The following ANO7 variants were observed in gnomAD, a reference collection of about 807,000 sequenced individuals.
The protein encoded by ANO7 is anoctamin 7.
Under a neutral mutation model 115.8 loss-of-function variants are expected in ANO7, and 114 were observed. The observed-to-expected ratio is 0.98, with a 90% CI of 0.85 to 1.15. The LOEUF is 1.15. Among genes scored for constraint, ANO7 ranks in the 50% most tolerant of loss-of-function variants. The pLI is 0.00. For missense variants in ANO7, 1,302 were observed against 1,201.2 expected (o/e 1.08, Z -1.24); for synonymous variants, 550 against 498.2 (o/e 1.10, Z -1.38).
chr2:241,210,639 C>T (rs2068701303), intron 15 of ANO7, 69 bp downstream of exon 15: 2 of 1,286,120 alleles, frequency 1.6e-6, no homozygotes, highest in Non-Finnish European at 2.3e-6. Flanking sequence ...CAGAACGTGA[C>T]TTTCTCACTC....
rs1049599210 is a variant in ANO7, at chr2:241,224,503, G to A, written c.*350G>A. ...CAGGCAGGTGGGCTTTGTGGTCCTCGCCGCCCCTGGCCACATCGCCCTCTC... is the reference window on the plus strand; with the variant it reads ...CAGGCAGGTGGGCTTTGTGGTCCTCACCGCCCCTGGCCACATCGCCCTCTC... On this transcript the variant is annotated 3_prime_UTR_variant, in exon 25 of 25. Transcript: ENST00000674324. The A allele has an allele frequency of 4.6e-5, 14 of 306,900 alleles. No homozygotes were observed. The highest frequency in any genetic ancestry group is 1.1e-4 in the African/African-American group (5 of 46,578). The allele number at this position is 306,900 out of a possible 1,614,324, so 19.0% of individuals were successfully genotyped here. A position where few individuals can be genotyped will look rare whatever the true frequency, so the allele number is the denominator to read the frequency against.
chr2:241,210,435 C>T (rs547521273), intron 14 of ANO7, 33 bp from the exon 15 acceptor site: 10 of 1,613,872 alleles, frequency 6.2e-6, no homozygotes, highest in Middle Eastern at 1.6e-4. Context: ...TGAGCGGCCC[C>T]TCATCCGGCT....
intron 21 of ANO7, among the ~76,000 whole-genome samples, chr2:241,219,584 T>TA (rs1304631223): frequency 6.6e-6 from 1 of 152,028 alleles, no homozygotes; most frequent in Non-Finnish European, 1.5e-5. Context: ...TCTTTTTTTT[T>TA]AGAGACTGGG....
At chr2:241,231,816 C>T in the ANO7 span, among the ~76,000 whole-genome samples, 2,077 of 152,294 alleles carry the variant, frequency 0.014, 25 homozygotes, top group Middle Eastern at 0.041. Flanking sequence ...GGTAACAAAA[C>T]ACCTGTAGCC....
At position 241,202,286 on chromosome 2, in the gene ANO7, C is replaced by T. The variant is rs151257402; in HGVS notation, c.705C>T (p.Ala235=). The T allele has an allele frequency of 4.4e-5, 71 of 1,613,050 alleles. No homozygotes were observed. Among genetic ancestry groups the T allele is most frequent in the African/African-American group, 5.3e-5 (4 of 74,928 alleles). The stretch of plus-strand genomic sequence containing the variant: ...TGCTGGCAGAGGGTGTCCTCAGTGC[C>T]GCCTTCCCCCTGCATGACGTGAGCT... ...HQLLAEGVLS[A]AFPLHDGPFK... The change falls in exon 8 of 25, where the codon GCC becomes GCT. Residue 235 remains alanine, a synonymous_variant. Coordinates refer to ENST00000674324, the MANE Select transcript of ANO7 (RefSeq NM_001370694.2).
chr2:241,230,110 C>T (rs754744539), downstream of ANO7: 59 of 1,588,964 alleles, frequency 3.7e-5, no homozygotes, highest in Middle Eastern at 1.7e-4. The surrounding 1 kb of genome is among the most constrained non-coding windows in gnomAD (Gnocchi z 5.0). Context: ...GGCCGGTGGA[C>T]GTGCCAGGGC....
the ANO7 span, among the ~76,000 whole-genome samples, chr2:241,231,630 T>C: frequency 2.0e-5 from 3 of 152,044 alleles, no homozygotes; most frequent in Admixed American, 2.0e-4. Flanking sequence ...GGAGGCATCT[T>C]TGTGCTGGAG....
intron 10 of ANO7, among the ~76,000 whole-genome samples, chr2:241,206,168 A>C: frequency 6.4e-5 from 1 of 15,512 alleles, no homozygotes; most frequent in South Asian, 3.5e-3. Flanking sequence ...CTGGGCAGGA[A>C]TGCTCCCAGC....
chr2:241,196,411 C>T (rs2068330873), intron 4 of ANO7, among the ~76,000 whole-genome samples: 1 of 152,134 alleles, frequency 6.6e-6, no homozygotes, highest in African/African-American at 2.4e-5. Flanking sequence ...TGCTGTGTCC[C>T]CCACTCATTG....
chr2:241,207,110 TCTGACAGGTGGACAGGAGTGCTCCCAGG>T, intron 10 of ANO7, among the ~76,000 whole-genome samples: 1 of 102,040 alleles, frequency 9.8e-6, no homozygotes, highest in South Asian at 3.8e-4. Flanking sequence ...GTGCTCCCAG[TCTGACAGGTGGACAGGAGTGCTCCCAGG>T]CTGACAGGTG....
At chr2:241,230,790 T>C (rs2069654030), downstream of ANO7, 2 of 1,614,232 alleles carry the variant, frequency 1.2e-6, no homozygotes, top group Non-Finnish European at 1.7e-6. The surrounding 1 kb of genome is among the most constrained non-coding windows in gnomAD (Gnocchi z 5.0). Flanking sequence ...GCGAATGGCT[T>C]TGCCGCGGGC....
rs773052325 is a variant in ANO7, at chr2:241,217,782, C to G, written c.2069C>G (p.Ala690Gly). 6.2e-7 allele frequency: 1 copy of G among 1,609,984 alleles called. No homozygotes were observed. The highest frequency in any genetic ancestry group is 2.2e-5 in the East Asian group (1 of 44,810). Reference sequence around the variant, plus strand: ...AACTGGGTGGAGATCCGCTTGGACGCGCGCAAGTTCGTCTGCGAGTACCGG... The same window carrying G: ...AACTGGGTGGAGATCCGCTTGGACGGGCGCAAGTTCGTCTGCGAGTACCGG... ...LNNWVEIRLD[A>G]RKFVCEYRRP... Residue 690 changes from alanine to glycine, a missense_variant, in exon 20 of 25, where the codon GCG (alanine) becomes GGG (glycine). Physicochemically the swap from Ala to Gly is moderately conservative, Grantham distance 60 (BLOSUM62 0). Coordinates refer to ENST00000674324, the MANE Select transcript of ANO7 (RefSeq NM_001370694.2).
intron 4 of ANO7, among the ~76,000 whole-genome samples, chr2:241,197,775 C>G (rs535726075): frequency 1.3e-5 from 2 of 151,870 alleles, no homozygotes; most frequent in East Asian, 3.9e-4. Context: ...CTCAGCCTCC[C>G]GAGTAGCTGG....
At chr2:241,223,518 C>A in intron 22 of ANO7, 144 bp from the exon 23 acceptor site, 2 of 1,339,400 alleles carry the variant, frequency 1.5e-6, no homozygotes, top group Admixed American at 2.2e-5. Flanking sequence ...GTGGCCTCTG[C>A]CCCTTCTGGG....
In ANO7 at chr2:241,212,220, C is replaced by A. The variant is rs2068733439; in HGVS notation, c.1673+15C>A. 1 of 1,591,194 alleles carries A rather than the reference C, an allele frequency of 6.3e-7. No individual in the cohort carries two copies. Among genetic ancestry groups the A allele is most frequent in the South Asian group, 1.1e-5 (1 of 90,694 alleles). ...TTCAAGGGCAGGTTGGTGGGCACCTCTCCCTCTGGCCACAGCTTGTCCCGG... is the reference window on the plus strand; with the variant it reads ...TTCAAGGGCAGGTTGGTGGGCACCTATCCCTCTGGCCACAGCTTGTCCCGG... On this transcript the variant is annotated intron_variant, in intron 16 of 24. Coordinates refer to ENST00000674324, the MANE Select transcript of ANO7 (RefSeq NM_001370694.2).
chr2:241,199,545 T>C, intron 5 of ANO7, 122 bp downstream of exon 5: 1 of 936,784 alleles, frequency 1.1e-6, no homozygotes, highest in Non-Finnish European at 1.6e-6. Context: ...GGGCTCCTCC[T>C]ACCCACCCCG....
At chr2:241,238,367 G>C in the ANO7 span, 2 of 267,908 alleles carry the variant, frequency 7.5e-6, no homozygotes, top group Non-Finnish European at 1.4e-5. The surrounding 1 kb of genome is among the most constrained non-coding windows in gnomAD (Gnocchi z 4.9). Flanking sequence ...GACTGAACTC[G>C]GGACACCCGA....
At chr2:241,234,732 C>A in the ANO7 span, among the ~76,000 whole-genome samples, 1 of 152,216 alleles carries the variant, frequency 6.6e-6, no homozygotes, top group African/African-American at 2.4e-5. Context: ...ACCAGGAAGT[C>A]ATTCGCCCTT....
At chr2:241,230,677 C>CCA, downstream of ANO7, 1 of 1,206,944 alleles carries the variant, frequency 8.3e-7, no homozygotes, top group Non-Finnish European at 1.2e-6. The surrounding 1 kb of genome is among the most constrained non-coding windows in gnomAD (Gnocchi z 5.0). Flanking sequence ...GAGGGGAAGG[C>CCA]CATGCCCTGC....
Sources: allele counts gnomAD v4.1 joint callset (sites outside exome capture counted in the v4.1 genomes callset), GRCh38; gene constraint gnomAD v4.1.1; non-coding constraint Gnocchi (gnomAD v3.1); transcripts MANE v1.5; gene names NCBI Gene and HGNC (gene_info 2026-07-23, HGNC 2026-07-21).